Variants in NRXN1 observed in about 807,000 individuals in gnomAD.
NRXN1 encodes neurexin 1, also known as neurexin-1.
A neutral mutation model predicts 150.9 loss-of-function variants in NRXN1; 39 were observed. That is an observed-to-expected ratio of 0.26 (90% confidence interval 0.20 to 0.34). The LOEUF (loss-of-function observed/expected upper bound fraction) is 0.34. Ranked by LOEUF, NRXN1 falls within the 10% of genes least tolerant of loss-of-function variation. The pLI, the probability that NRXN1 is intolerant of heterozygous loss-of-function variation, is 1.00. For missense variants in NRXN1, 1,815 were observed against 1,949.9 expected, an observed-to-expected ratio of 0.93 and a Z score of 1.30; for synonymous variants, 924 against 757.0, an observed-to-expected ratio of 1.22 and a Z score of -3.62.
At chr2:50,389,480 A>G (rs1016221611) in intron 17 of NRXN1, among the ~76,000 whole-genome samples, 1 of 151,852 alleles carries the variant, frequency 6.6e-6, no homozygotes, top group Non-Finnish European at 1.5e-5. Flanking sequence ...ATATATGAAC[A>G]TGTCATTGAT....
At chr2:50,752,356 T>A (rs1426440450) in intron 5 of NRXN1, among the ~76,000 whole-genome samples, 1 of 151,922 alleles carries the variant, frequency 6.6e-6, no homozygotes, top group East Asian at 1.9e-4. Context: ...ATGATTTGGT[T>A]TTGTGATTAT....
intron 17 of NRXN1, among the ~76,000 whole-genome samples, chr2:50,325,922 A>C (rs2076356982): frequency 6.6e-6 from 1 of 152,196 alleles, no homozygotes; most frequent in African/African-American, 2.4e-5. Context: ...AGAGCCTAAC[A>C]AAAAAATGAT....
At chr2:50,901,275 C>T (rs907950374) in intron 5 of NRXN1, among the ~76,000 whole-genome samples, 3 of 152,092 alleles carry the variant, frequency 2.0e-5, no homozygotes, top group Admixed American at 6.6e-5. Flanking sequence ...GTGGCTCACA[C>T]CTGTAATCCC....
At chr2:50,651,628 G>T (rs967713332) in intron 5 of NRXN1, among the ~76,000 whole-genome samples, 1 of 151,954 alleles carries the variant, frequency 6.6e-6, no homozygotes, top group African/African-American at 2.4e-5. Flanking sequence ...CTGCACTCCG[G>T]CCTGAATGAC....
intron 21 of NRXN1, among the ~76,000 whole-genome samples, chr2:49,963,533 TA>T (rs1382872817): frequency 3.3e-5 from 5 of 152,218 alleles, no homozygotes; most frequent in African/African-American, 1.2e-4. Flanking sequence ...ATTTCATATT[TA>T]GGAAAGTAGA....
At chr2:50,818,603 A>G (rs558526248) in intron 5 of NRXN1, among the ~76,000 whole-genome samples, 147 of 152,214 alleles carry the variant, frequency 9.7e-4, no homozygotes, top group African/African-American at 3.4e-3. Context: ...GAAAAGCTTT[A>G]AAACATTGCT....
At chr2:50,907,490 T>C (rs565765216) in intron 5 of NRXN1, among the ~76,000 whole-genome samples, 1 of 152,204 alleles carries the variant, frequency 6.6e-6, no homozygotes, top group Admixed American at 6.6e-5. Flanking sequence ...TTATTCTTTT[T>C]GCCCTTAAAG....
intron 18 of NRXN1, among the ~76,000 whole-genome samples, chr2:50,198,592 T>G (rs1390657689): frequency 1.3e-5 from 2 of 152,110 alleles, no homozygotes; most frequent in Non-Finnish European, 2.9e-5. Flanking sequence ...CAATACAAAT[T>G]GTTTTTTAAG....
chr2:50,023,091 G>C (rs1687804439), intron 21 of NRXN1: 3 of 152,186 alleles, frequency 2.0e-5, no homozygotes, highest in African/African-American at 7.2e-5. Context: ...AGCAGGTGCT[G>C]AGGCTCCCTT....
chr2:50,676,940 T>G (rs1346628612), intron 5 of NRXN1, among the ~76,000 whole-genome samples: 1 of 152,158 alleles, frequency 6.6e-6, no homozygotes, highest in Non-Finnish European at 1.5e-5. Context: ...AGGTGGTAAG[T>G]GTGAATAAAA....
intron 5 of NRXN1, among the ~76,000 whole-genome samples, chr2:50,766,658 G>T (rs1702417178): frequency 6.6e-6 from 1 of 152,010 alleles, no homozygotes; most frequent in South Asian, 2.1e-4. Context: ...ATGATGCACT[G>T]CTATCCTACC....
rs186839863 is a variant in NRXN1 at position 50,941,786 on chromosome 2, A to G, written c.773-15831T>C. ...GAAACAGAGCATAAAAGTTTTGAAA[A>G]TTTGCAACTGGACCATGTGGTAGAA... is the stretch of plus-strand genomic sequence containing the variant. On this transcript the variant is annotated intron_variant, in intron 2 of 22. Transcript: ENST00000401669. 2.0e-5 allele frequency among the ~76,000 whole-genome samples: 3 copies of G among 152,338 alleles called. No individual in the cohort carries two copies. In the East Asian group the frequency reaches 5.8e-4, roughly 29 times the overall value.
intron 5 of NRXN1, among the ~76,000 whole-genome samples, chr2:50,666,885 G>A (rs1235224718): frequency 3.3e-5 from 5 of 151,120 alleles, no homozygotes; most frequent in African/African-American, 1.2e-4. Flanking sequence ...GATGATGTGT[G>A]TGTGTGTGTG....
intron 18 of NRXN1, among the ~76,000 whole-genome samples, chr2:50,104,121 G>A (rs1004254851): frequency 1.3e-5 from 2 of 151,848 alleles, no homozygotes; most frequent in Non-Finnish European, 2.9e-5. Context: ...ATATCATTTC[G>A]TGAAGCAAAA....
intron 18 of NRXN1, among the ~76,000 whole-genome samples, chr2:50,170,902 G>A (rs1484269273): frequency 6.6e-6 from 1 of 151,910 alleles, no homozygotes; most frequent in Non-Finnish European, 1.5e-5. Context: ...TTAACAACCA[G>A]TAGCCTACTG....
intron 17 of NRXN1, among the ~76,000 whole-genome samples, chr2:50,259,792 C>G (rs186147388): frequency 6.6e-6 from 1 of 151,844 alleles, no homozygotes; most frequent in Admixed American, 6.6e-5. Flanking sequence ...CTATATTGTC[C>G]CAGGATGTCA....
At chr2:50,897,480 C>A (rs1438300375) in intron 5 of NRXN1, among the ~76,000 whole-genome samples, 1 of 152,014 alleles carries the variant, frequency 6.6e-6, no homozygotes. Flanking sequence ...TGAAGGGATA[C>A]AAAGAATTTA....
chr2:50,179,362 C>T (rs2060554401), intron 18 of NRXN1, among the ~76,000 whole-genome samples: 1 of 152,082 alleles, frequency 6.6e-6, no homozygotes, highest in Non-Finnish European at 1.5e-5. Flanking sequence ...ATAATTACTG[C>T]TTTTGTTTAA....
At chr2:50,134,824 G>A (rs1706138707) in intron 18 of NRXN1, among the ~76,000 whole-genome samples, 1 of 152,144 alleles carries the variant, frequency 6.6e-6, no homozygotes, top group Non-Finnish European at 1.5e-5. Flanking sequence ...TGAAATTGAT[G>A]AAAGCCTCTA....
Sources: allele counts gnomAD v4.1 joint callset (sites outside exome capture counted in the v4.1 genomes callset), GRCh38; gene constraint gnomAD v4.1.1; transcripts MANE v1.5; gene names NCBI Gene and HGNC (gene_info 2026-07-23, HGNC 2026-07-21).